ATP7A: variants seen among roughly 807,000 people sequenced by gnomAD.
ATP7A encodes ATPase copper transporting alpha, also known as copper-transporting ATPase 1.
Under a neutral mutation model 83.5 loss-of-function variants are expected in ATP7A, and 7 were observed. The observed-to-expected ratio is 0.08, with a 90% confidence interval of 0.05 to 0.16. The LOEUF (loss-of-function observed/expected upper bound fraction) is 0.16, where lower values mean the gene tolerates loss of function less well. Among genes scored for constraint, ATP7A ranks in the 10% least tolerant of loss-of-function variants. The pLI, the probability that ATP7A is intolerant of heterozygous loss-of-function variation, is 1.00. For missense variants in ATP7A, 940 were observed against 1,120.8 expected, an observed-to-expected ratio of 0.84 and a Z score of 2.30; for synonymous variants, 354 against 395.2, an observed-to-expected ratio of 0.90 and a Z score of 1.24.
chrX:77,920,254 C>G (rs190800542), intron 1 of ATP7A, among the ~76,000 whole-genome samples: 4 of 106,153 alleles, frequency 3.8e-5, no homozygotes, highest in Non-Finnish European at 5.8e-5. Flanking sequence ...CTCGCTCTGT[C>G]GCCCAGGCTG....
rs192067432 is a variant in ATP7A at position 77,976,239 on chromosome X, C to T, written c.120+4478C>T. On this transcript the variant is annotated intron_variant, in intron 2 of 22. Coordinates refer to ENST00000341514, the MANE Select transcript of ATP7A (RefSeq NM_000052.7). ...CAGAAGCTCATCATATTTTTAAGGG[C>T]GTGAATGATTACATTGGAACTAGAA... is the stretch of plus-strand genomic sequence containing the variant. Among the ~76,000 whole-genome samples, 9 of 112,006 alleles carry T rather than the reference C, an allele frequency of 8.0e-5. No homozygotes were observed. The South Asian group carries it at 1.1e-3, about 14-fold the overall frequency.
Position 78,038,828 on chromosome X carries a change from A to G in ATP7A, c.3512-8A>G. 1 of 1,209,623 alleles carries G rather than the reference A, an allele frequency of 8.3e-7. No individual in the cohort carries two copies. Among genetic ancestry groups the G allele is most frequent in the South Asian group, 1.8e-5 (1 of 56,755 alleles). On this transcript the variant is annotated splice_region_variant and splice_polypyrimidine_tract_variant and intron_variant, in intron 17 of 22. Transcript: ENST00000341514. ...CTTACTAAATGTTATTTCTGTGCCT[A>G]CTTTCAGATGCTCTTAATGCTCAGC... is the stretch of plus-strand genomic sequence containing the variant.
At chrX:78,004,486 C>G (rs2077760157) in intron 6 of ATP7A, among the ~76,000 whole-genome samples, 1 of 112,328 alleles carries the variant, frequency 8.9e-6, no homozygotes, top group South Asian at 3.6e-4. Flanking sequence ...TGGTGGCTCA[C>G]GCCTGTAATC....
At chrX:77,918,826 C>T (rs1276240625) in intron 1 of ATP7A, among the ~76,000 whole-genome samples, 2 of 111,367 alleles carry the variant, frequency 1.8e-5, no homozygotes, top group African/African-American at 3.3e-5. Context: ...ACTACCCAAA[C>T]CACTTCTATT....
chrX:77,980,393 C>T (rs782405397), intron 2 of ATP7A, among the ~76,000 whole-genome samples: 4 of 108,707 alleles, frequency 3.7e-5, no homozygotes, highest in Admixed American at 9.9e-5. Flanking sequence ...TGCAGTGAGC[C>T]GAGTTCATGC....
intron 6 of ATP7A, among the ~76,000 whole-genome samples, chrX:78,008,045 C>A (rs891456861): frequency 9.0e-6 from 1 of 111,631 alleles, no homozygotes; most frequent in African/African-American, 3.3e-5. Flanking sequence ...TTTTGTACTC[C>A]ATGTTGTTTT....
chrX:77,916,378 A>T (rs782459167), intron 1 of ATP7A, among the ~76,000 whole-genome samples: 2 of 109,479 alleles, frequency 1.8e-5, no homozygotes, highest in Non-Finnish European at 3.8e-5. Context: ...AAAAGAAAAA[A>T]AAAGAGAAAG....
intron 1 of ATP7A, among the ~76,000 whole-genome samples, chrX:77,942,461 G>C (rs1343404131): frequency 9.2e-6 from 1 of 109,076 alleles, no homozygotes; most frequent in African/African-American, 3.3e-5. Flanking sequence ...GGGGGGGGTA[G>C]GGGAGCGGAC....
chrX:78,005,314 A>G (rs1179765426), intron 6 of ATP7A, among the ~76,000 whole-genome samples: 1 of 111,135 alleles, frequency 9.0e-6, no homozygotes, highest in Non-Finnish European at 1.9e-5. Flanking sequence ...ACAAGTAAGT[A>G]AAAAAAAGTA....
intron 5 of ATP7A, among the ~76,000 whole-genome samples, chrX:77,998,922 A>G: frequency 9.0e-6 from 1 of 111,304 alleles, no homozygotes; most frequent in Non-Finnish European, 1.9e-5. Context: ...CGTTAAAAAA[A>G]AATAGCAGAA....
chrX:78,024,053 G>A lies in ATP7A; in HGVS notation c.2916+2974G>A, dbSNP rs1010475951. Among the ~76,000 whole-genome samples the A allele has an allele frequency of 2.7e-5, 3 of 111,375 alleles. No individual in the cohort carries two copies. In the South Asian group the frequency reaches 1.1e-3, roughly 42 times the overall value. ...CCCAGCACCATATATTGAATAGGGTGTCCTTTCCCCATTGTTTGTTTTTGT... is the reference window on the plus strand; with the variant it reads ...CCCAGCACCATATATTGAATAGGGTATCCTTTCCCCATTGTTTGTTTTTGT... On this transcript the variant is annotated intron_variant, in intron 14 of 22. Transcript: ENST00000341514.
intron 6 of ATP7A, among the ~76,000 whole-genome samples, chrX:78,005,683 C>CAAAAAAAAAAAA (rs1218646073): frequency 8.8e-4 from 12 of 13,686 alleles, no homozygotes; most frequent in East Asian, 8.4e-3. Flanking sequence ...AACTCCATCT[C>CAAAAAAAAAAAA]AAAAAAAAAA....
At chrX:77,970,495 A>G (rs781871597) in intron 1 of ATP7A, among the ~76,000 whole-genome samples, 3 of 110,533 alleles carry the variant, frequency 2.7e-5, no homozygotes, top group East Asian at 5.6e-4. Flanking sequence ...ACATGGTGAA[A>G]CCTTGTCTCT....
rs1367140209 is a variant in ATP7A at position 78,011,565 on chromosome X, G to A, written c.2063G>A (p.Ser688Asn). The stretch of plus-strand genomic sequence containing the variant: ...ACTCTTCACCATAATCAAAACATGA[G>A]TAAAGAAGAAATGATCAACCTTCAT... ...FATLHHNQNM[S>N]KEEMINLHSS... Residue 688 changes from serine to asparagine, a missense_variant, in exon 9 of 23, where the codon AGT (serine) becomes AAT (asparagine). Ser to Asn is a conservative substitution (Grantham distance 46). This residue lies in a region of ATP7A where 204 missense variants were observed against 185.8 expected (regional missense o/e 1.10). Coordinates refer to ENST00000341514, the MANE Select transcript of ATP7A (RefSeq NM_000052.7). 8.3e-7 allele frequency: 1 copy of A among 1,209,359 alleles called. No individual in the cohort carries two copies. Among genetic ancestry groups the A allele is most frequent in the African/African-American group, 1.8e-5 (1 of 57,114 alleles).
intron 6 of ATP7A, among the ~76,000 whole-genome samples, chrX:78,007,932 A>G (rs1194416719): frequency 3.6e-5 from 4 of 112,072 alleles, no homozygotes; most frequent in Non-Finnish European, 7.5e-5. Flanking sequence ...GTTACAGATA[A>G]TCCATTTATA....
intron 2 of ATP7A, 81 bp from the exon 3 acceptor site, chrX:77,988,161 G>T (rs2077649330): frequency 7.8e-6 from 8 of 1,031,639 alleles, no homozygotes; most frequent in Non-Finnish European, 1.1e-5. Context: ...CACTCTTCTT[G>T]AATGTGGTGT....
chrX:78,025,272 C>CA (rs2077935352), intron 14 of ATP7A, among the ~76,000 whole-genome samples: 1 of 111,859 alleles, frequency 8.9e-6, no homozygotes, highest in Non-Finnish European at 1.9e-5. Flanking sequence ...ATAGCAAATT[C>CA]AAAAACAGGA....
chrX:78,016,323 T>C (rs1186299234), intron 12 of ATP7A, among the ~76,000 whole-genome samples: 1 of 111,029 alleles, frequency 9.0e-6, no homozygotes, highest in Non-Finnish European at 1.9e-5. Flanking sequence ...ACCGCCCCCA[T>C]GATTCAATCA....
At chrX:77,932,652 C>T (rs969198057) in intron 1 of ATP7A, among the ~76,000 whole-genome samples, 2 of 112,942 alleles carry the variant, frequency 1.8e-5, no homozygotes, top group African/African-American at 6.4e-5. Flanking sequence ...TCTGCAAACC[C>T]GGCACCTCGG....
Sources: allele counts gnomAD v4.1 joint callset (sites outside exome capture counted in the v4.1 genomes callset), GRCh38; gene constraint gnomAD v4.1.1; regional missense constraint gnomAD v4.1.1; transcripts MANE v1.5; gene names NCBI Gene and HGNC (gene_info 2026-07-23, HGNC 2026-07-21).